ANO2: variants seen among roughly 807,000 people sequenced by gnomAD.
The protein encoded by ANO2 is anoctamin-2.
In ANO2, 101 loss-of-function variants were observed where a neutral mutation model predicts 124.2. The observed-to-expected ratio is 0.81, with a 90% CI of 0.69 to 0.96. The LOEUF is 0.96. Ranked by LOEUF, ANO2 falls within the 40% of genes least tolerant of loss-of-function variation. The pLI, the probability that ANO2 is intolerant of heterozygous loss-of-function variation, is 0.00. For missense variants in ANO2, 1,293 were observed against 1,274.5 expected (o/e 1.01, Z -0.22); for synonymous variants, 486 against 482.5 (o/e 1.01, Z -0.09).
At chr12:5,717,827 A>G (rs1950078014) in intron 14 of ANO2, among the ~76,000 whole-genome samples, 1 of 152,246 alleles carries the variant, frequency 6.6e-6, no homozygotes, top group African/African-American at 2.4e-5. Flanking sequence ...GTTGGCTCCC[A>G]AATGGAGCCA....
intron 6 of ANO2, 70 bp from the exon 7 acceptor site, chr12:5,827,890 C>G: frequency 1.3e-6 from 2 of 1,538,674 alleles, no homozygotes; most frequent in Non-Finnish European, 1.8e-6. Context: ...GTCACCCTCA[C>G]CACTGCCTGG....
At chr12:5,793,971 T>G (rs536468186) in intron 10 of ANO2, among the ~76,000 whole-genome samples, 1 of 152,216 alleles carries the variant, frequency 6.6e-6, no homozygotes, top group African/African-American at 2.4e-5. Flanking sequence ...TTCCACAGCA[T>G]GATGGGATTA....
intron 3 of ANO2, among the ~76,000 whole-genome samples, chr12:5,913,387 A>T (rs934604385): frequency 6.6e-6 from 1 of 152,260 alleles, no homozygotes; most frequent in Non-Finnish European, 1.5e-5. Flanking sequence ...CAGAGGCCAC[A>T]GAGCAGCCTC....
At chr12:5,842,275 C>A (rs1954536089) in intron 4 of ANO2, among the ~76,000 whole-genome samples, 1 of 152,188 alleles carries the variant, frequency 6.6e-6, no homozygotes, top group Non-Finnish European at 1.5e-5. Context: ...ATCACCAGCC[C>A]TCAGCAAAGT....
Position 5,647,758 on chromosome 12 carries a change from T to A in ANO2, c.1589A>T (p.Tyr530Phe). ...TAAGATGGAGGCAAAGTTCATCAGG[T>A]AACCTGGGAAACGATCCTTCCAGGT... ...KLTWKDRFPGYLMNFASILFM... is the reference protein window; with the variant it reads ...KLTWKDRFPGFLMNFASILFM... Residue 530 changes from tyrosine to phenylalanine, a missense_variant, in exon 15 of 25, where the codon TAC becomes TTC. Coordinates refer to ENST00000682330, the MANE Select transcript of ANO2 (RefSeq NM_001364791.2). The A allele has an allele frequency of 6.2e-7, 1 of 1,610,520 alleles. No individual in the cohort carries two copies. Among genetic ancestry groups the A allele is most frequent in the Non-Finnish European group, 8.5e-7 (1 of 1,178,664 alleles).
At chr12:5,888,388 G>A (rs1387786806) in intron 3 of ANO2, among the ~76,000 whole-genome samples, 1 of 152,272 alleles carries the variant, frequency 6.6e-6, no homozygotes, top group East Asian at 1.9e-4. Flanking sequence ...TCCACAGTGT[G>A]GAAGGGGACG....
intron 24 of ANO2, among the ~76,000 whole-genome samples, chr12:5,565,343 C>T (rs1427926566): frequency 6.6e-6 from 1 of 152,148 alleles, no homozygotes; most frequent in South Asian, 2.1e-4. Context: ...TGTGTTTTAT[C>T]CTCTGTCTGC....
rs917398167 is a variant in ANO2 at position 5,862,991 on chromosome 12, C to T, written c.535-8850G>A. Among the ~76,000 whole-genome samples the T allele has an allele frequency of 7.2e-5, 11 of 151,954 alleles. No individual in the cohort carries two copies. Among genetic ancestry groups the T allele is most frequent in the Non-Finnish European group, 1.2e-4 (8 of 67,990 alleles). ...ATTTTTTTCTTTTTTTTAGTAGAGA[C>T]GGTGAGGGGAAACCCCTTTCATTTG... On this transcript the variant is annotated intron_variant, in intron 3 of 24. Coordinates refer to ENST00000682330, the MANE Select transcript of ANO2 (RefSeq NM_001364791.2). The surrounding 1 kb of genome is among the most constrained non-coding windows in gnomAD (Gnocchi z 4.0).
intron 4 of ANO2, among the ~76,000 whole-genome samples, chr12:5,846,257 G>T (rs1030129065): frequency 7.9e-5 from 12 of 152,128 alleles, no homozygotes; most frequent in Non-Finnish European, 1.0e-4. Flanking sequence ...ATAACAACGT[G>T]AGCCTCTACT....
chr12:5,868,675 T>C (rs530158217), intron 3 of ANO2, among the ~76,000 whole-genome samples: 1 of 152,202 alleles, frequency 6.6e-6, no homozygotes, highest in Non-Finnish European at 1.5e-5. Context: ...TCCCCCTCTA[T>C]GAGGCGAAAG....
chr12:5,818,597 T>G (rs1953689767), intron 7 of ANO2, among the ~76,000 whole-genome samples: 1 of 150,644 alleles, frequency 6.6e-6, no homozygotes, highest in South Asian at 2.1e-4. Context: ...AACAGAATAT[T>G]AAGGATGGAG....
chr12:5,754,378 T>C (rs772994943), intron 10 of ANO2, among the ~76,000 whole-genome samples: 4 of 152,226 alleles, frequency 2.6e-5, no homozygotes, highest in Non-Finnish European at 4.4e-5. Flanking sequence ...CCTATAGTTC[T>C]CTTCTTGTAG....
intron 10 of ANO2, among the ~76,000 whole-genome samples, chr12:5,776,646 C>T (rs1200344108): frequency 6.6e-6 from 1 of 152,116 alleles, no homozygotes; most frequent in Non-Finnish European, 1.5e-5. Context: ...TCCTGGTTAC[C>T]CGGAAGAATC....
chr12:5,832,204 C>T (rs895100298), intron 5 of ANO2, among the ~76,000 whole-genome samples: 2 of 152,222 alleles, frequency 1.3e-5, no homozygotes, highest in African/African-American at 4.8e-5. Flanking sequence ...GCCCTCCATC[C>T]TGCAAAATGG....
At chr12:5,727,547 T>A (rs1353431580) in intron 14 of ANO2, among the ~76,000 whole-genome samples, 1 of 148,192 alleles carries the variant, frequency 6.7e-6, no homozygotes, top group Non-Finnish European at 1.5e-5. Context: ...ACAGCTAACA[T>A]GAGACTTACA....
At chr12:5,921,744 G>A (rs551504084) in intron 2 of ANO2, among the ~76,000 whole-genome samples, 6 of 152,054 alleles carry the variant, frequency 3.9e-5, no homozygotes, top group East Asian at 1.9e-4. Flanking sequence ...AGATGCACAC[G>A]CAGCCACCTC....
chr12:5,888,749 T>C (rs1377141712), intron 3 of ANO2, among the ~76,000 whole-genome samples: 1 of 151,800 alleles, frequency 6.6e-6, no homozygotes, highest in East Asian at 1.9e-4. Flanking sequence ...AGATACAGAG[T>C]GCCAATTGGT....
intron 11 of ANO2, among the ~76,000 whole-genome samples, chr12:5,746,287 A>G (rs966822036): frequency 3.3e-5 from 5 of 152,218 alleles, no homozygotes; most frequent in Non-Finnish European, 7.3e-5. Flanking sequence ...GCAGGCAACT[A>G]TCCATCATTT....
At chr12:5,791,565 T>G (rs947182415) in intron 10 of ANO2, among the ~76,000 whole-genome samples, 2 of 152,182 alleles carry the variant, frequency 1.3e-5, no homozygotes, top group African/African-American at 2.4e-5. Context: ...ATCCACTGAA[T>G]GGAACTCTGG....
Sources: allele counts gnomAD v4.1 joint callset (sites outside exome capture counted in the v4.1 genomes callset), GRCh38; gene constraint gnomAD v4.1.1; non-coding constraint Gnocchi (gnomAD v3.1); transcripts MANE v1.5; gene names NCBI Gene and HGNC (gene_info 2026-07-23, HGNC 2026-07-21).